ZFHX3: variants seen among roughly 807,000 people sequenced by gnomAD.
The protein encoded by ZFHX3 is zinc finger homeobox 3.
A neutral mutation model predicts 279.1 loss-of-function variants in ZFHX3; 42 were observed. The observed-to-expected ratio is 0.15, with a 90% CI of 0.12 to 0.19. The LOEUF (loss-of-function observed/expected upper bound fraction) is 0.19. Ranked by LOEUF, ZFHX3 falls within the 10% of genes least tolerant of loss-of-function variation. The pLI is 1.00. For synonymous variants in ZFHX3, 2,293 were observed against 1,957.8 expected, an observed-to-expected ratio of 1.17 and a Z score of -4.52; for missense variants, 4,981 against 4,754.0, an observed-to-expected ratio of 1.05 and a Z score of -1.40.
intron 1 of ZFHX3, among the ~76,000 whole-genome samples, chr16:73,697,915 G>C (rs1328363281): frequency 6.6e-6 from 1 of 152,122 alleles, no homozygotes; most frequent in African/African-American, 2.4e-5. Context: ...AACACACCTA[G>C]AGCCCACCCA....
intron 2 of ZFHX3, among the ~76,000 whole-genome samples, chr16:73,647,855 CA>C (rs2052634602): frequency 6.6e-6 from 1 of 151,708 alleles, no homozygotes; most frequent in Non-Finnish European, 1.5e-5. Context: ...AAGAAAAACC[CA>C]AATGAAAAAA....
intron 1 of ZFHX3, among the ~76,000 whole-genome samples, chr16:72,989,648 G>C (rs1207316538): frequency 6.6e-6 from 1 of 152,120 alleles, no homozygotes; most frequent in Non-Finnish European, 1.5e-5. Context: ...CATCTTTCCA[G>C]GGCAGAAGGA....
At chr16:72,922,740 A>T (rs2039614536) in intron 3 of ZFHX3, among the ~76,000 whole-genome samples, 1 of 152,202 alleles carries the variant, frequency 6.6e-6, no homozygotes, top group Admixed American at 6.5e-5. Flanking sequence ...TCAGATTGTT[A>T]CATGCTGTAC....
At chr16:73,630,054 C>A (rs528085821) in intron 2 of ZFHX3, among the ~76,000 whole-genome samples, 1 of 152,156 alleles carries the variant, frequency 6.6e-6, no homozygotes, top group South Asian at 2.1e-4. Context: ...GAGACTCAAC[C>A]ACTCTCTCTC....
intron 2 of ZFHX3, among the ~76,000 whole-genome samples, chr16:73,536,451 C>G (rs1361972254): frequency 6.6e-6 from 1 of 152,190 alleles, no homozygotes; most frequent in African/African-American, 2.4e-5. Context: ...TTTCATTATT[C>G]TTGCTGCAAC....
chr16:73,880,266 G>T (rs569986603), intron 1 of ZFHX3, among the ~76,000 whole-genome samples: 1 of 152,270 alleles, frequency 6.6e-6, no homozygotes, highest in South Asian at 2.1e-4. Context: ...AGGTTTAGAT[G>T]GGGGATGGGA....
At chr16:72,953,313 C>T (rs1392846504) in intron 2 of ZFHX3, among the ~76,000 whole-genome samples, 1 of 151,658 alleles carries the variant, frequency 6.6e-6, no homozygotes, top group East Asian at 1.9e-4. Flanking sequence ...AAAAAAAAGC[C>T]TAAAAGCTCC....
intron 2 of ZFHX3, among the ~76,000 whole-genome samples, chr16:73,587,991 C>T (rs1010745491): frequency 4.6e-5 from 7 of 152,080 alleles, no homozygotes; most frequent in African/African-American, 1.7e-4. Flanking sequence ...AAAAATGGGG[C>T]ACACAGTGGG....
At chr16:73,470,895 A>T (rs1337595423) in intron 2 of ZFHX3, among the ~76,000 whole-genome samples, 1 of 152,156 alleles carries the variant, frequency 6.6e-6, no homozygotes, top group Non-Finnish European at 1.5e-5. Flanking sequence ...TTTTTGGGTG[A>T]ACATCTACTC....
intron 5 of ZFHX3, among the ~76,000 whole-genome samples, chr16:73,193,377 G>A (rs1009439493): frequency 1.3e-5 from 2 of 152,148 alleles, no homozygotes; most frequent in Non-Finnish European, 2.9e-5. Context: ...AGATGGGGGC[G>A]GTGAACTGCC....
chr16:73,084,673 A>T (rs1257001244), intron 8 of ZFHX3, among the ~76,000 whole-genome samples: 2 of 152,166 alleles, frequency 1.3e-5, no homozygotes, highest in East Asian at 3.9e-4. Context: ...GCCTGCCACC[A>T]TGCCCGGCTA....
intron 6 of ZFHX3, among the ~76,000 whole-genome samples, chr16:73,132,439 C>T (rs1966703813): frequency 4.6e-5 from 7 of 152,058 alleles, no homozygotes; most frequent in Admixed American, 4.6e-4. Flanking sequence ...CTGGGAGCCT[C>T]GTGGATGAAG....
intron 5 of ZFHX3, among the ~76,000 whole-genome samples, chr16:72,826,077 C>T (rs1180208864): frequency 6.6e-6 from 1 of 152,164 alleles, no homozygotes; most frequent in Non-Finnish European, 1.5e-5. Context: ...CAGTGCCTCG[C>T]ATGGGGTAGG....
chr16:73,028,419 CAAG>C (rs1233158774), intron 1 of ZFHX3, among the ~76,000 whole-genome samples: 1 of 152,124 alleles, frequency 6.6e-6, no homozygotes, highest in African/African-American at 2.4e-5. Context: ...CTCAGATCCC[CAAG>C]AAGAACAGGG....
At chr16:72,906,514 G>C (rs2039176345) in intron 3 of ZFHX3, among the ~76,000 whole-genome samples, 1 of 152,144 alleles carries the variant, frequency 6.6e-6, no homozygotes, top group Non-Finnish European at 1.5e-5. Flanking sequence ...CAAAAAAGCT[G>C]GCCGGGCATG....
chr16:73,740,756 A>T (rs1471708282), intron 1 of ZFHX3, among the ~76,000 whole-genome samples: 2 of 152,206 alleles, frequency 1.3e-5, no homozygotes. Flanking sequence ...GCCAAGCCCC[A>T]GATTCTCGAG....
At chr16:73,217,637 C>T (rs1047946265) in intron 5 of ZFHX3, among the ~76,000 whole-genome samples, 1 of 152,052 alleles carries the variant, frequency 6.6e-6, no homozygotes, top group Non-Finnish European at 1.5e-5. Context: ...TACAATGTAC[C>T]CTGGTAATGA....
At chr16:72,856,145 G>A (rs2037749293) in intron 4 of ZFHX3, among the ~76,000 whole-genome samples, 1 of 152,226 alleles carries the variant, frequency 6.6e-6, no homozygotes, top group Non-Finnish European at 1.5e-5. Flanking sequence ...TTAGAGCTCT[G>A]GCTGCTATGA....
intron 2 of ZFHX3, among the ~76,000 whole-genome samples, chr16:73,626,410 C>T (rs2052417308): frequency 6.6e-6 from 1 of 152,056 alleles, no homozygotes; most frequent in South Asian, 2.1e-4. Context: ...TGCAAATTTT[C>T]ATAGGAAATT....
Sources: allele counts gnomAD v4.1 joint callset (sites outside exome capture counted in the v4.1 genomes callset), GRCh38; gene constraint gnomAD v4.1.1; transcripts MANE v1.5; gene names NCBI Gene and HGNC (gene_info 2026-07-23, HGNC 2026-07-21).